SLC36A4: variants seen among roughly 807,000 people sequenced by gnomAD.
SLC36A4 encodes solute carrier family 36 member 4.
In SLC36A4, 49 loss-of-function variants were observed where a neutral mutation model predicts 50.5. The ratio of observed to expected loss-of-function variants is 0.97; its 90% CI spans 0.77 to 1.23. SLC36A4 has a LOEUF of 1.23. Ranked by LOEUF, SLC36A4 falls within the 50% of genes most tolerant of loss-of-function variation. SLC36A4 has a pLI of 0.00. For missense variants in SLC36A4, 611 were observed against 608.4 expected (o/e 1.00, Z -0.05); for synonymous variants, 207 against 206.5 (o/e 1.00, Z -0.02).
intron 1 of SLC36A4, among the ~76,000 whole-genome samples, chr11:93,194,923 A>T (rs1862357091): frequency 6.6e-6 from 1 of 152,136 alleles, no homozygotes; most frequent in Admixed American, 6.6e-5. Flanking sequence ...ACTGGTCTTC[A>T]CCAGCAAGCC....
chr11:93,148,775 G>A lies in SLC36A4; in HGVS notation c.1277C>T (p.Thr426Ile). Residue 426 changes from threonine to isoleucine, a missense_variant, in exon 11 of 11, where the codon ACA (threonine) becomes ATA (isoleucine). Coordinates refer to ENST00000326402, the MANE Select transcript of SLC36A4 (RefSeq NM_152313.4). ...CAAAGGTGGCAGGATTAGGGCCAAT[G>A]TGCTGCTGCTCACAGCTCCAACGAA... is the stretch of plus-strand genomic sequence containing the variant. ...ISFVGAVSSSTLALILPPLVE... is the reference protein window; with the variant it reads ...ISFVGAVSSSILALILPPLVE... The A allele has an allele frequency of 6.2e-7, 1 of 1,613,004 alleles. No individual in the cohort carries two copies. The highest frequency in any genetic ancestry group is 8.5e-7 in the Non-Finnish European group (1 of 1,179,370).
At chr11:93,172,113 T>A (rs1861170272) in intron 6 of SLC36A4, among the ~76,000 whole-genome samples, 1 of 151,838 alleles carries the variant, frequency 6.6e-6, no homozygotes, top group Non-Finnish European at 1.5e-5. Flanking sequence ...CTAGTAAAAG[T>A]TAGAAGAAAT....
intron 10 of SLC36A4, among the ~76,000 whole-genome samples, chr11:93,149,271 T>C (rs1481208089): frequency 2.0e-5 from 3 of 151,932 alleles, no homozygotes; most frequent in Non-Finnish European, 4.4e-5. Context: ...TTAATCAAAA[T>C]AGAAGGAACA....
At chr11:93,150,991 T>C (rs757329255) in intron 10 of SLC36A4, among the ~76,000 whole-genome samples, 26 of 152,076 alleles carry the variant, frequency 1.7e-4, no homozygotes, top group Admixed American at 5.3e-4. Context: ...TATAGCACTT[T>C]AGAATTTATA....
chr11:93,155,261 T>C (rs551235438), intron 9 of SLC36A4: 1 of 152,202 alleles, frequency 6.6e-6, no homozygotes, highest in South Asian at 2.1e-4. Flanking sequence ...ACACTGTGGG[T>C]TCAGTGTGCT....
rs1859833993 is a variant in SLC36A4 at position 93,145,736 on chromosome 11, C to T, written c.*2801G>A. 1 of 152,174 alleles carries T rather than the reference C, an allele frequency of 6.6e-6. No homozygotes were observed. Among genetic ancestry groups the T allele is most frequent in the South Asian group, 2.1e-4 (1 of 4,824 alleles). The allele number at this position is 152,174 out of a possible 1,614,324, so 9.4% of individuals were successfully genotyped here. A position where few individuals can be genotyped will look rare whatever the true frequency, so the allele number is the denominator to read the frequency against. ...GTCATTTTAGTCACAGTGTGATGAT[C>T]CAAAAGTGATGAGATACAAAATTTG... On this transcript the variant is annotated 3_prime_UTR_variant, in exon 11 of 11. Transcript: ENST00000326402.
chr11:93,190,119 T>C (rs1862151614), intron 1 of SLC36A4, among the ~76,000 whole-genome samples: 1 of 152,180 alleles, frequency 6.6e-6, no homozygotes, highest in Non-Finnish European at 1.5e-5. Flanking sequence ...CTTAAAGTCA[T>C]TAATTTTCAA....
At position 93,147,948 on chromosome 11, in the gene SLC36A4, T is replaced by C. The variant is rs1280211564; in HGVS notation, c.*589A>G. ...CTTGACTATGAAGATCAACTACCAT[T>C]AGAGTGTAAAATTAATTCTAGTGTT... On this transcript the variant is annotated 3_prime_UTR_variant, in exon 11 of 11. Coordinates refer to ENST00000326402, the MANE Select transcript of SLC36A4 (RefSeq NM_152313.4). 7 of 152,404 alleles carry C rather than the reference T, an allele frequency of 4.6e-5. 1 individual carries two copies. The East Asian group carries it at 1.2e-3, about 25-fold the overall frequency. 9.4% of individuals were successfully genotyped at this position (152,404 alleles called of 1,614,324 possible).
chr11:93,172,700 G>GT (rs1399570794), intron 6 of SLC36A4, among the ~76,000 whole-genome samples: 9 of 138,944 alleles, frequency 6.5e-5, no homozygotes, highest in African/African-American at 2.4e-4. Context: ...GCGGTGTTTG[G>GT]TTTTTTGTTC....
intron 9 of SLC36A4, 78 bp downstream of exon 9, chr11:93,162,628 A>G: frequency 8.1e-7 from 1 of 1,241,050 alleles, no homozygotes; most frequent in South Asian, 1.6e-5. Flanking sequence ...CCATAAATCC[A>G]AGAACACGAC....
chr11:93,186,934 A>G (rs76594445), intron 1 of SLC36A4, among the ~76,000 whole-genome samples: 6,311 of 152,200 alleles, frequency 0.041, 182 homozygotes, highest in South Asian at 0.098. Context: ...CATTTCTAAC[A>G]AGTTCCCCAG....
rs143001920 is a variant in SLC36A4, at chr11:93,168,083, C to G, written c.629G>C (p.Arg210Thr). ...NPCERRSVDLRIYMLCFLPFI... is the reference protein window; with the variant it reads ...NPCERRSVDLTIYMLCFLPFI... ...TGGAAGAAAGCAAAGCATATATATC[C>G]TTAGGTCAACACTTCTTCTCTCACA... Residue 210 changes from arginine (R) to threonine (T), a missense_variant, in exon 7 of 11, where the codon AGG (arginine) becomes ACG (threonine). Physicochemically the swap from Arg to Thr is moderately conservative, Grantham distance 71. Coordinates refer to ENST00000326402, the MANE Select transcript of SLC36A4 (RefSeq NM_152313.4). 1,199 of 1,612,254 alleles carry G rather than the reference C, an allele frequency of 7.4e-4. 13 individuals are homozygous for G. In the East Asian group the frequency reaches 0.02, roughly 27 times the overall value.
intron 7 of SLC36A4, chr11:93,166,232 T>C (rs1860857008): frequency 7.8e-6 from 10 of 1,283,108 alleles, no homozygotes; most frequent in South Asian, 2.1e-5. Context: ...CTCATGCCCA[T>C]ACATTCCATC....
chr11:93,180,406 T>A (rs998213329), intron 6 of SLC36A4: 69 of 786,160 alleles, frequency 8.8e-5, no homozygotes, highest in Non-Finnish European at 1.0e-4. Context: ...ATTTTAATAA[T>A]GAATGCTCAC....
At chr11:93,190,384 A>G (rs1862165678) in intron 1 of SLC36A4, among the ~76,000 whole-genome samples, 1 of 152,192 alleles carries the variant, frequency 6.6e-6, no homozygotes, top group East Asian at 1.9e-4. Flanking sequence ...AATGTTCCCA[A>G]CACACACAAA....
At chr11:93,189,429 C>T (rs898659838) in intron 1 of SLC36A4, among the ~76,000 whole-genome samples, 3 of 151,764 alleles carry the variant, frequency 2.0e-5, no homozygotes, top group Non-Finnish European at 2.9e-5. Flanking sequence ...GTATGCAAGG[C>T]TATGACAACA....
chr11:93,150,367 C>T (rs78621086), intron 10 of SLC36A4, among the ~76,000 whole-genome samples: 15 of 152,084 alleles, frequency 9.9e-5, no homozygotes, highest in Non-Finnish European at 1.9e-4. Flanking sequence ...CAATTTATGA[C>T]GTTTTATTTT....
intron 1 of SLC36A4, among the ~76,000 whole-genome samples, chr11:93,193,854 G>GA (rs1862312997): frequency 6.6e-6 from 1 of 152,160 alleles, no homozygotes; most frequent in Admixed American, 6.5e-5. Flanking sequence ...CTTCTGGCAA[G>GA]CTAGTGTATG....
Position 93,147,619 on chromosome 11 carries a change from C to T in SLC36A4, c.*918G>A, listed in dbSNP as rs1234618720. On this transcript the variant is annotated 3_prime_UTR_variant, in exon 11 of 11. Coordinates refer to ENST00000326402, the MANE Select transcript of SLC36A4 (RefSeq NM_152313.4). ...TGATTTTCTGCTCAGGTCACATATACTATTAAAAATCACACATTCATTTTC... is the reference window on the plus strand; with the variant it reads ...TGATTTTCTGCTCAGGTCACATATATTATTAAAAATCACACATTCATTTTC... 1 of 152,010 alleles carries T rather than the reference C, an allele frequency of 6.6e-6. No individual in the cohort carries two copies. The highest frequency in any genetic ancestry group is 1.5e-5 in the Non-Finnish European group (1 of 67,988). The allele number at this position is 152,010 out of a possible 1,614,324, so 9.4% of individuals were successfully genotyped here.
Sources: gnomAD v4.1 joint callset for allele counts (sites outside exome capture counted in the v4.1 genomes callset) on GRCh38, gnomAD v4.1.1 for gene constraint, MANE v1.5 for transcripts, NCBI Gene and HGNC (gene_info 2026-07-23, HGNC 2026-07-21) for gene names.